Variants in GDE1 observed in about 807,000 individuals in gnomAD.
The protein encoded by GDE1 is glycerophosphodiester phosphodiesterase 1.
In GDE1, 24 loss-of-function variants were observed where a neutral mutation model predicts 32.2. That is an observed-to-expected ratio of 0.75 (90% CI 0.54 to 1.05). GDE1 has a LOEUF of 1.05. GDE1 is among the 50% of genes least tolerant of loss of function. The pLI is 0.00. For synonymous variants in GDE1, 159 were observed against 158.6 expected (o/e 1.00, Z -0.02); for missense variants, 380 against 415.0 (o/e 0.92, Z 0.73).
At chr16:19,513,333 T>G (rs1454844721) in intron 2 of GDE1, among the ~76,000 whole-genome samples, 1 of 149,728 alleles carries the variant, frequency 6.7e-6, no homozygotes, top group East Asian at 2.0e-4. Context: ...TTGGTTATAT[T>G]TATTCCTAGG....
At position 19,502,158 on chromosome 16, in the gene GDE1, T is replaced by C. The variant is rs891403306; in HGVS notation, c.*1312A>G. The C allele has an allele frequency of 1.3e-5, 2 of 152,164 alleles. No individual in the cohort carries two copies. The highest frequency in any genetic ancestry group is 4.8e-5 in the African/African-American group (2 of 41,440). 9.4% of individuals were successfully genotyped at this position (152,164 alleles called of 1,614,324 possible). On this transcript the variant is annotated 3_prime_UTR_variant, in exon 6 of 6. Transcript: ENST00000353258. ...TTCAGTGAGGGGTAAGGGTAGTGGCTCTGGGGGCAGACTGACCTAGATTTG... is the reference window on the plus strand; with the variant it reads ...TTCAGTGAGGGGTAAGGGTAGTGGCCCTGGGGGCAGACTGACCTAGATTTG...
intron 2 of GDE1, among the ~76,000 whole-genome samples, chr16:19,511,435 T>C (rs1969317634): frequency 6.6e-6 from 1 of 152,212 alleles, no homozygotes; most frequent in African/African-American, 2.4e-5. Flanking sequence ...ATTATAGATA[T>C]TCTTTTTTCC....
chr16:19,507,892 T>G (rs1969269207), intron 3 of GDE1, 113 bp from the exon 4 acceptor site: 1 of 588,518 alleles, frequency 1.7e-6, no homozygotes, highest in Non-Finnish European at 3.1e-6. Flanking sequence ...AGAAGTTTAC[T>G]AGAAATGGAG....
At chr16:19,517,338 C>T in intron 1 of GDE1, 149 bp from the exon 2 acceptor site, 1 of 636,032 alleles carries the variant, frequency 1.6e-6, no homozygotes, top group Non-Finnish European at 2.8e-6. Flanking sequence ...CAATCCTGAT[C>T]TGTTTCTGTT....
chr16:19,509,086 G>C (rs1969284709), intron 3 of GDE1, among the ~76,000 whole-genome samples: 1 of 152,176 alleles, frequency 6.6e-6, no homozygotes, highest in Admixed American at 6.5e-5. Context: ...CGGATCACTC[G>C]AGGCCAGGAG....
intron 3 of GDE1, among the ~76,000 whole-genome samples, chr16:19,508,471 C>T (rs1969276074): frequency 6.6e-6 from 1 of 152,214 alleles, no homozygotes; most frequent in African/African-American, 2.4e-5. Context: ...AATGCTGCTG[C>T]TGCATAATTT....
intron 2 of GDE1, among the ~76,000 whole-genome samples, chr16:19,514,740 T>C (rs548131687): frequency 6.6e-6 from 1 of 152,286 alleles, no homozygotes; most frequent in South Asian, 2.1e-4. Flanking sequence ...TTCAACTGCA[T>C]TATTTCAACT....
chr16:19,510,555 TTTAC>T (rs1371228822), intron 3 of GDE1, among the ~76,000 whole-genome samples: 11 of 152,240 alleles, frequency 7.2e-5, no homozygotes, highest in African/African-American at 2.4e-4. Flanking sequence ...TTTTTTACTG[TTTAC>T]TTAATATCTT....
At position 19,521,823 on chromosome 16, in the gene GDE1, CAAAGCTG is replaced by C; in HGVS notation, c.135_141del (p.Phe45LeufsTer64). The C allele has an allele frequency of 1.2e-6, 2 of 1,611,078 alleles. No homozygotes were observed. Among genetic ancestry groups the C allele is most frequent in the Non-Finnish European group, 8.5e-7 (1 of 1,179,212 alleles). On this transcript the variant is annotated frameshift_variant, in exon 1 of 6. Coordinates refer to ENST00000353258, the MANE Select transcript of GDE1 (RefSeq NM_016641.4). LOFTEE classifies it high-confidence loss of function. ...AGGGCCCTGCAAGAGGGCACCGGCT[CAAAGCTG>C]AAGACGCGCAGTAGAACGAAGAGGC... is the stretch of plus-strand genomic sequence containing the variant.
chr16:19,510,265 A>G (rs1157818584), intron 3 of GDE1, among the ~76,000 whole-genome samples: 1 of 152,236 alleles, frequency 6.6e-6, no homozygotes, highest in Non-Finnish European at 1.5e-5. Context: ...TGAAGAAAAT[A>G]AATGATTTTC....
At chr16:19,508,642 T>TC (rs1969278656) in intron 3 of GDE1, among the ~76,000 whole-genome samples, 3 of 152,254 alleles carry the variant, frequency 2.0e-5, no homozygotes, top group Admixed American at 2.0e-4. Flanking sequence ...CATTTTTTTT[T>TC]CTGTTTGAAC....
At chr16:19,505,798 T>G (rs1380515463) in intron 4 of GDE1, among the ~76,000 whole-genome samples, 2 of 152,146 alleles carry the variant, frequency 1.3e-5, no homozygotes, top group Non-Finnish European at 2.9e-5. Context: ...CTGTAAAAAT[T>G]TTCAATGTAT....
chr16:19,508,202 GAT>G lies in GDE1; in HGVS notation c.544-425_544-424del, dbSNP rs1969272691. ...GCCAGTCTGGGAACTACAGAGGATA[GAT>G]TTCTCAGTCCAGGGGACTGAGAGGA... On this transcript the variant is annotated intron_variant, in intron 3 of 5. Coordinates refer to ENST00000353258, the MANE Select transcript of GDE1 (RefSeq NM_016641.4). 2.0e-5 allele frequency among the ~76,000 whole-genome samples: 3 copies of G among 152,264 alleles called. No individual in the cohort carries two copies. The South Asian group carries it at 6.2e-4, about 32-fold the overall frequency.
chr16:19,503,676 T>C, intron 5 of GDE1, 59 bp from the exon 6 acceptor site: 2 of 1,396,006 alleles, frequency 1.4e-6, no homozygotes, highest in Non-Finnish European at 2.0e-6. Flanking sequence ...CAGGAATCCA[T>C]AATGGCCACT....
rs191679666 is a variant in GDE1 at position 19,506,618 on chromosome 16, C to T, written c.636+1069G>A. ...GATGAGCCGAGATCATACCACTGGG[C>T]GACAGAGCAAGACTCCGTCTCAAAA... is the stretch of plus-strand genomic sequence containing the variant. On this transcript the variant is annotated intron_variant, in intron 4 of 5. Transcript: ENST00000353258. 1.3e-3 allele frequency among the ~76,000 whole-genome samples: 194 copies of T among 152,140 alleles called. 1 individual carries two copies. The highest frequency in any genetic ancestry group is 1.6e-3 in the Non-Finnish European group (107 of 68,000).
Position 19,503,184 on chromosome 16 carries a change from T to A in GDE1, c.*286A>T, listed in dbSNP as rs1445659391. 1 of 426,910 alleles carries A rather than the reference T, an allele frequency of 2.3e-6. No individual in the cohort carries two copies. Among genetic ancestry groups the A allele is most frequent in the African/African-American group, 2.0e-5 (1 of 51,244 alleles). The allele number at this position is 426,910 out of a possible 1,614,324, so 26.4% of individuals were successfully genotyped here. On this transcript the variant is annotated 3_prime_UTR_variant, in exon 6 of 6. Coordinates refer to ENST00000353258, the MANE Select transcript of GDE1 (RefSeq NM_016641.4). ...AACTGTACAATTCAATCTGTGCTTA[T>A]CCTCACTGGGTCTCCCTGTGTGCCT...
intron 2 of GDE1, 113 bp downstream of exon 2, chr16:19,516,901 G>A: frequency 2.2e-6 from 2 of 928,018 alleles, no homozygotes; most frequent in Non-Finnish European, 3.4e-6. Flanking sequence ...CCTACGTACA[G>A]TTCAAAACAA....
intron 2 of GDE1, among the ~76,000 whole-genome samples, chr16:19,516,270 A>G (rs1200820314): frequency 4.6e-5 from 7 of 152,214 alleles, no homozygotes; most frequent in Admixed American, 2.6e-4. Flanking sequence ...GATTTGGACT[A>G]AAACTTGGGA....
intron 2 of GDE1, among the ~76,000 whole-genome samples, chr16:19,511,641 C>G (rs1423041170): frequency 1.3e-5 from 2 of 152,106 alleles, no homozygotes. Context: ...TTATTGAACA[C>G]TAGAATTTAT....
Sources: gnomAD v4.1 joint callset for allele counts (sites outside exome capture counted in the v4.1 genomes callset) on GRCh38, gnomAD v4.1.1 for gene constraint, MANE v1.5 for transcripts, NCBI Gene and HGNC (gene_info 2026-07-23, HGNC 2026-07-21) for gene names.